The following GJB6 variants were observed in gnomAD, a reference collection of about 807,000 sequenced individuals.
GJB6 encodes gap junction protein beta 6, also known as gap junction beta-6 protein.
In GJB6, 5 loss-of-function variants were observed where a neutral mutation model predicts 5.4. The observed-to-expected ratio is 0.92, with a 90% CI of 0.48 to 1.93. The LOEUF is 1.93. Ranked by LOEUF, GJB6 falls within the 30% of genes most tolerant of loss-of-function variation. GJB6 has a pLI of 0.01. For synonymous variants in GJB6, 136 were observed against 129.6 expected, an observed-to-expected ratio of 1.05 and a Z score of -0.34; for missense variants, 298 against 326.9, an observed-to-expected ratio of 0.91 and a Z score of 0.68.
chr13:20,223,493 T>C lies in GJB6; in HGVS notation c.-13A>G, dbSNP rs1237999441. 3.7e-6 allele frequency: 6 copies of C among 1,613,234 alleles called. No homozygotes were observed. The African/African-American group carries it at 8.0e-5, about 22-fold the overall frequency. ...TCCCCCAATCCATTGCGCTGGTTTATCCCTAAACAGACAAAAGTGGGCAAA... is the reference window on the plus strand; with the variant it reads ...TCCCCCAATCCATTGCGCTGGTTTACCCCTAAACAGACAAAAGTGGGCAAA... On this transcript the variant is annotated splice_region_variant and 5_prime_UTR_variant, in exon 5 of 5. Transcript: ENST00000647029.
At chr13:20,223,548 G>C in intron 4 of GJB6, 53 bp from the exon 5 acceptor site, 1 of 1,380,622 alleles carries the variant, frequency 7.2e-7, no homozygotes, top group Admixed American at 1.7e-5. Flanking sequence ...CCTTGGGAAA[G>C]TGACACGGTG....
intron 4 of GJB6, among the ~76,000 whole-genome samples, chr13:20,227,736 G>A (rs980303020): frequency 1.3e-5 from 2 of 152,260 alleles, no homozygotes; most frequent in Non-Finnish European, 2.9e-5. Flanking sequence ...TCAAGAGATA[G>A]GCCAGGGTGA....
rs143480372 is a variant in GJB6, at chr13:20,230,764, A to G, written c.-252T>C. Reference sequence around the variant, plus strand: ...TACAAGTTAGAATTTTTCTTTCGCCATACAGAAATTGTTTAGCCAGATCTT... The same window carrying G: ...TACAAGTTAGAATTTTTCTTTCGCCGTACAGAAATTGTTTAGCCAGATCTT... On this transcript the variant is annotated 5_prime_UTR_variant, in exon 3 of 5. The change abolishes an upstream ATG in the 5' untranslated region. Transcript: ENST00000647029. 1.3e-5 allele frequency: 2 copies of G among 152,368 alleles called. No individual in the cohort carries two copies. Among genetic ancestry groups the G allele is most frequent in the African/African-American group, 2.4e-5 (1 of 41,596 alleles). 9.4% of individuals were successfully genotyped at this position (152,368 alleles called of 1,614,324 possible).
chr13:20,228,320 T>C (rs1205497326), intron 4 of GJB6, among the ~76,000 whole-genome samples: 1 of 152,214 alleles, frequency 6.6e-6, no homozygotes, highest in Non-Finnish European at 1.5e-5. Flanking sequence ...GGCTGTCTTT[T>C]AAGGAAAGAA....
intron 4 of GJB6, among the ~76,000 whole-genome samples, chr13:20,226,210 A>G (rs1869566966): frequency 6.6e-6 from 1 of 152,106 alleles, no homozygotes; most frequent in South Asian, 2.1e-4. Context: ...AATGTGAAAC[A>G]GAGGATTCAA....
chr13:20,226,951 C>G (rs1003414373), intron 4 of GJB6, among the ~76,000 whole-genome samples: 6 of 152,136 alleles, frequency 3.9e-5, no homozygotes, highest in African/African-American at 1.4e-4. Flanking sequence ...CCCCGTGGTC[C>G]CCTGTGGTCC....
At chr13:20,232,170 C>T (rs1870130340) in intron 1 of GJB6, 24 bp downstream of exon 1, 1 of 152,116 alleles carries the variant, frequency 6.6e-6, no homozygotes, top group Non-Finnish European at 1.5e-5. Context: ...CCCCGCAAGA[C>T]CCAGCCGGTC....
Position 20,223,415 on chromosome 13 carries a change from C to T in GJB6, c.66G>A (p.Lys22=). The T allele has an allele frequency of 6.2e-7, 1 of 1,614,030 alleles. No homozygotes were observed. The highest frequency in any genetic ancestry group is 8.5e-7 in the Non-Finnish European group (1 of 1,179,896). Residue 22 remains lysine, a synonymous_variant, in exon 5 of 5, where the codon AAG becomes AAA. Coordinates refer to ENST00000647029, the MANE Select transcript of GJB6 (RefSeq NM_001110219.3). ...AAATAAAGATGACTGTGATCCACAC[C>T]TTCCCGATGCTGGTGGAGTGTTTGT... ...GVNKHSTSIG[K]VWITVIFIFR...
Position 20,222,977 on chromosome 13 carries a change from T to G in GJB6, c.504A>C (p.Lys168Asn), listed in dbSNP as rs761590601. 2 of 1,614,154 alleles carry G rather than the reference T, an allele frequency of 1.2e-6. No homozygotes were observed. Among genetic ancestry groups the G allele is most frequent in the South Asian group, 2.2e-5 (2 of 91,078 alleles). ...GGTTGGGGCAGGGGTCAATCCCACA[T>G]TTCAACACCCAGGGCAGGTGGTACC... ...YNGYHLPWVL[K>N]CGIDPCPNLV... The change falls in exon 5 of 5, where the codon AAA becomes AAC. Residue 168 changes from lysine (K) to asparagine (N), a missense_variant. Transcript: ENST00000647029.
At position 20,222,611 on chromosome 13, in the gene GJB6, A is replaced by G. The variant is rs1869247221; in HGVS notation, c.*84T>C. The G allele has an allele frequency of 8.9e-7, 1 of 1,124,224 alleles. No individual in the cohort carries two copies. The highest frequency in any genetic ancestry group is 1.2e-5 in the South Asian group (1 of 80,404). 69.6% of individuals were successfully genotyped at this position (1,124,224 alleles called of 1,614,324 possible). ...AAGTCATTTACAAACTCTTCAGGCT[A>G]CAGAAGGAACTTTCAGGTTGGTATT... is the stretch of plus-strand genomic sequence containing the variant. On this transcript the variant is annotated 3_prime_UTR_variant, in exon 5 of 5. Transcript: ENST00000647029.
rs1384405448 is a variant in GJB6, at chr13:20,223,080, C to T, written c.401G>A (p.Trp134Ter). 1.2e-6 allele frequency: 2 copies of T among 1,613,730 alleles called. No homozygotes were observed. The highest frequency in any genetic ancestry group is 1.1e-5 in the South Asian group (1 of 91,086). The change falls in exon 5 of 5, where the codon TGG becomes TAG. Residue 134 changes from tryptophan to a stop codon, truncating the protein, a stop_gained. Transcript: ENST00000647029. LOFTEE classifies it low-confidence loss of function (END_TRUNC). ...GAAAAAGATGCTGCTGGTGTACGTC[C>T]ACCACAGCGACCCCTCTATCCGAAC... ...QKVRIEGSLW[W>*]TYTSSIFFRI...
In GJB6 at chr13:20,223,060, A is replaced by T; in HGVS notation, c.421T>A (p.Phe141Ile). The stretch of plus-strand genomic sequence containing the variant: ...GCTGCTTCAAAGATGATTCGGAAAA[A>T]GATGCTGCTGGTGTACGTCCACCAC... ...SLWWTYTSSI[F>I]FRIIFEAAFM... is the part of the protein sequence containing the mutation. The change falls in exon 5 of 5, where the codon TTT becomes ATT. Residue 141 changes from phenylalanine to isoleucine, a missense_variant. Phe to Ile is a conservative substitution (Grantham distance 21). Coordinates refer to ENST00000647029, the MANE Select transcript of GJB6 (RefSeq NM_001110219.3). The T allele has an allele frequency of 6.2e-7, 1 of 1,613,480 alleles. No homozygotes were observed. Among genetic ancestry groups the T allele is most frequent in the Non-Finnish European group, 8.5e-7 (1 of 1,179,348 alleles).
rs1461471621 is a variant in GJB6, at chr13:20,222,832, CTT to C, written c.647_648del (p.Lys216SerfsTer4). 1.9e-6 allele frequency: 3 copies of C among 1,614,074 alleles called. No individual in the cohort carries two copies. In the African/African-American group the frequency reaches 4.0e-5, roughly 22 times the overall value. ...GCTCTCTTTGATCTCCTAAAACACA[CTT>C]TCAGCAGCAGGTAGCACAACTCTGC... ...NVAELCYLLLKVCFRRSKRAQ... is the reference protein window; with the variant it reads ...NVAELCYLLLXVCFRRSKRAQ... On this transcript the variant is annotated frameshift_variant, in exon 5 of 5. Transcript: ENST00000647029. LOFTEE classifies it high-confidence loss of function.
At chr13:20,228,009 G>A (rs1329747940) in intron 4 of GJB6, among the ~76,000 whole-genome samples, 1 of 151,952 alleles carries the variant, frequency 6.6e-6, no homozygotes, top group Non-Finnish European at 1.5e-5. Context: ...CAAAGAAAGC[G>A]CCCAGCCCCC....
Position 20,223,052 on chromosome 13 carries a change from TC to T in GJB6, c.428del (p.Arg143GlnfsTer25). ...WWTYTSSIFFRIIFEAAFMYV... is the reference protein window; with the variant it reads ...WWTYTSSIFFXIIFEAAFMYV... ...ACATAAAGGCTGCTTCAAAGATGAT[TC>T]GGAAAAAGATGCTGCTGGTGTACGT... On this transcript the variant is annotated frameshift_variant, in exon 5 of 5. Transcript: ENST00000647029. LOFTEE classifies it low-confidence loss of function (END_TRUNC). 1 of 1,613,354 alleles carries T rather than the reference TC, an allele frequency of 6.2e-7. No homozygotes were observed. Among genetic ancestry groups the T allele is most frequent in the Non-Finnish European group, 8.5e-7 (1 of 1,179,270 alleles).
At chr13:20,226,515 T>A (rs549352754) in intron 4 of GJB6, among the ~76,000 whole-genome samples, 2 of 152,320 alleles carry the variant, frequency 1.3e-5, no homozygotes, top group South Asian at 4.1e-4. Flanking sequence ...ATGTCCACAG[T>A]AAATGCAGCT....
rs1270023342 is a variant in GJB6, at chr13:20,222,638, C to T, written c.*57G>A. On this transcript the variant is annotated 3_prime_UTR_variant, in exon 5 of 5. Coordinates refer to ENST00000647029, the MANE Select transcript of GJB6 (RefSeq NM_001110219.3). Reference sequence around the variant, plus strand: ...AGAAGGAACTTTCAGGTTGGTATTGCCTTCTGGAGAAGACAGAAGTCTCCT... The same window carrying T: ...AGAAGGAACTTTCAGGTTGGTATTGTCTTCTGGAGAAGACAGAAGTCTCCT... The T allele has an allele frequency of 6.8e-6, 10 of 1,466,578 alleles. No individual in the cohort carries two copies. The South Asian group carries it at 8.0e-5, about 12-fold the overall frequency. The allele number at this position is 1,466,578 out of a possible 1,614,324, so 90.8% of individuals were successfully genotyped here. A position where few individuals can be genotyped will look rare whatever the true frequency, so the allele number is the denominator to read the frequency against.
chr13:20,227,154 G>A (rs544160863), intron 4 of GJB6, among the ~76,000 whole-genome samples: 117 of 152,142 alleles, frequency 7.7e-4, no homozygotes, highest in African/African-American at 2.4e-3. Flanking sequence ...CTAAAAACAG[G>A]GACAATTATA....
chr13:20,232,187 C>T lies in GJB6; in HGVS notation c.-420+7G>A, dbSNP rs1207659819. 1 of 152,082 alleles carries T rather than the reference C, an allele frequency of 6.6e-6. No homozygotes were observed. The highest frequency in any genetic ancestry group is 2.4e-5 in the African/African-American group (1 of 41,428). The allele number at this position is 152,082 out of a possible 1,614,324, so 9.4% of individuals were successfully genotyped here. A position where few individuals can be genotyped will look rare whatever the true frequency, so the allele number is the denominator to read the frequency against. On this transcript the variant is annotated splice_region_variant and intron_variant, in intron 1 of 4. Transcript: ENST00000647029. Reference sequence around the variant, plus strand: ...CCGCAAGACCCAGCCGGTCCGCGCCCGCTTACCTGCTCTGCGGCCGGCGGC... The same window carrying T: ...CCGCAAGACCCAGCCGGTCCGCGCCTGCTTACCTGCTCTGCGGCCGGCGGC...
Sources: gnomAD v4.1 joint callset for allele counts (sites outside exome capture counted in the v4.1 genomes callset) on GRCh38, gnomAD v4.1.1 for gene constraint, MANE v1.5 for transcripts, NCBI Gene and HGNC (gene_info 2026-07-23, HGNC 2026-07-21) for gene names.